Variants in SVOPL observed in about 807,000 individuals in gnomAD.
The protein encoded by SVOPL is putative transporter SVOPL.
SVOPL carries 60 observed loss-of-function variants against 61.0 expected under a neutral mutation model. That is an observed-to-expected ratio of 0.98 (90% CI 0.80 to 1.22). SVOPL has a LOEUF of 1.22. SVOPL is among the 50% of genes most tolerant of loss of function. SVOPL has a pLI of 0.00. For missense variants in SVOPL, 662 were observed against 643.9 expected (o/e 1.03, Z -0.30); for synonymous variants, 279 against 250.0 (o/e 1.12, Z -1.09).
rs758242635 is a variant in SVOPL at position 138,661,278 on chromosome 7, AG to A, written c.346-1291del. Reference sequence around the variant, plus strand: ...TAATCTTAGTAGGCACGTGACTTTGAGCACGTAGCTAGTTTCAAAGCTATAC... The same window carrying A: ...TAATCTTAGTAGGCACGTGACTTTGACACGTAGCTAGTTTCAAAGCTATAC... On this transcript the variant is annotated intron_variant, in intron 5 of 15. Coordinates refer to ENST00000674285, the MANE Select transcript of SVOPL (RefSeq NM_001139456.2). 221 of 985,420 alleles carry A rather than the reference AG, an allele frequency of 2.2e-4. 1 individual carries two copies. Among genetic ancestry groups the A allele is most frequent in the Middle Eastern group, 5.2e-4 (1 of 1,914 alleles). 61.0% of individuals were successfully genotyped at this position (985,420 alleles called of 1,614,324 possible). A position where few individuals can be genotyped will look rare whatever the true frequency, so the allele number is the denominator to read the frequency against.
In SVOPL at chr7:138,594,354, T is replaced by A. The variant is rs141968361; in HGVS notation, c.*256A>T. 11 of 290,700 alleles carry A rather than the reference T, an allele frequency of 3.8e-5. No individual in the cohort carries two copies. In the South Asian group the frequency reaches 5.6e-4, roughly 15 times the overall value. 18.0% of individuals were successfully genotyped at this position (290,700 alleles called of 1,614,324 possible). A position where few individuals can be genotyped will look rare whatever the true frequency, so the allele number is the denominator to read the frequency against. The stretch of plus-strand genomic sequence containing the variant: ...TGATTTCAATGAAGAAAAGCCATCT[T>A]CCCCCCCACCATCTCCCTCTCACAC... On this transcript the variant is annotated 3_prime_UTR_variant, in exon 16 of 16. Transcript: ENST00000674285.
At chr7:138,658,970 G>C (rs1333374386) in intron 6 of SVOPL, among the ~76,000 whole-genome samples, 1 of 151,630 alleles carries the variant, frequency 6.6e-6, no homozygotes, top group Non-Finnish European at 1.5e-5. Flanking sequence ...TGAAAGACTG[G>C]TTCAGGCCAC....
At chr7:138,607,559 C>T (rs980762697) in intron 14 of SVOPL, among the ~76,000 whole-genome samples, 2 of 152,036 alleles carry the variant, frequency 1.3e-5, no homozygotes, top group Non-Finnish European at 2.9e-5. Flanking sequence ...GGGGTTAAAA[C>T]GACCTTTGAA....
intron 14 of SVOPL, among the ~76,000 whole-genome samples, chr7:138,611,545 G>A (rs915747529): frequency 6.6e-6 from 1 of 152,112 alleles, no homozygotes; most frequent in African/African-American, 2.4e-5. Context: ...TTAAATGGAT[G>A]TAATTTGATT....
intron 1 of SVOPL, among the ~76,000 whole-genome samples, chr7:138,695,448 G>A (rs1803044876): frequency 6.6e-6 from 1 of 152,184 alleles, no homozygotes; most frequent in Non-Finnish European, 1.5e-5. Flanking sequence ...GGAGGTTGAA[G>A]CTGCAGTTAG....
chr7:138,636,020 G>A (rs1340150265), intron 9 of SVOPL, among the ~76,000 whole-genome samples: 1 of 152,154 alleles, frequency 6.6e-6, no homozygotes, highest in Non-Finnish European at 1.5e-5. Context: ...CCAGATGCAA[G>A]TGATTCTCCT....
intron 14 of SVOPL, among the ~76,000 whole-genome samples, chr7:138,612,429 T>TAAAAAATAAAAAAAAAAAAAAAAAAAAAA: frequency 1.3e-5 from 1 of 78,148 alleles, no homozygotes; most frequent in African/African-American, 5.6e-5. Flanking sequence ...AAAAATAAAA[T>TAAAAAATAAAAAAAAAAAAAAAAAAAAAA]AAAAAATAAA....
intron 6 of SVOPL, among the ~76,000 whole-genome samples, chr7:138,659,494 A>G (rs1212452218): frequency 2.6e-5 from 1 of 38,484 alleles, no homozygotes; most frequent in Non-Finnish European, 4.9e-5. Flanking sequence ...TCTATCTCGA[A>G]AAAAAAAAAA....
intron 7 of SVOPL, among the ~76,000 whole-genome samples, chr7:138,654,578 C>A (rs1801616082): frequency 1.4e-5 from 2 of 146,414 alleles, no homozygotes; most frequent in Admixed American, 7.1e-5. Flanking sequence ...TGGCTCAGTG[C>A]AACCTTCTCC....
At chr7:138,619,986 G>A (rs1052004216) in intron 14 of SVOPL, among the ~76,000 whole-genome samples, 1 of 152,128 alleles carries the variant, frequency 6.6e-6, no homozygotes, top group African/African-American at 2.4e-5. Flanking sequence ...GCACCAGACA[G>A]AGAAAGAGGA....
chr7:138,680,571 TTG>T (rs60027714), intron 1 of SVOPL, among the ~76,000 whole-genome samples: 32 of 147,950 alleles, frequency 2.2e-4, no homozygotes, highest in Non-Finnish European at 3.7e-4. Flanking sequence ...ACACAGACTT[TTG>T]TGTGTGTGTG....
intron 7 of SVOPL, 44 bp downstream of exon 7, chr7:138,656,404 C>T: frequency 6.3e-7 from 1 of 1,591,958 alleles, no homozygotes. Context: ...TACATCTTAT[C>T]CCATAGGATG....
intron 13 of SVOPL, among the ~76,000 whole-genome samples, chr7:138,621,830 G>GTATCTATCTATC (rs1351456139): frequency 8.0e-5 from 3 of 37,472 alleles, no homozygotes; most frequent in African/African-American, 2.5e-4. Flanking sequence ...ATGTATCTAT[G>GTATCTATCTATC]TATCTATCTA....
chr7:138,642,058 A>G (rs929715759), intron 9 of SVOPL, among the ~76,000 whole-genome samples: 1 of 151,086 alleles, frequency 6.6e-6, no homozygotes, highest in African/African-American at 2.4e-5. Flanking sequence ...AATTCCAAAT[A>G]ACAACATCCT....
In SVOPL at chr7:138,660,893, T is replaced by C; in HGVS notation, c.346-905A>G. ...GTCATGAAAATGTCCATTTCAACGG[T>C]GCAGGACTCTTTAAGGAAAAATTTC... is the stretch of plus-strand genomic sequence containing the variant. On this transcript the variant is annotated intron_variant, in intron 5 of 15. Transcript: ENST00000674285. 4.1e-6 allele frequency: 4 copies of C among 985,344 alleles called. No homozygotes were observed. In the South Asian group the frequency reaches 1.9e-4, roughly 46 times the overall value. The allele number at this position is 985,344 out of a possible 1,614,324, so 61.0% of individuals were successfully genotyped here. A position where few individuals can be genotyped will look rare whatever the true frequency, so the allele number is the denominator to read the frequency against.
chr7:138,602,516 T>C (rs1798574719), intron 14 of SVOPL, among the ~76,000 whole-genome samples: 1 of 151,816 alleles, frequency 6.6e-6, no homozygotes, highest in Non-Finnish European at 1.5e-5. Context: ...TCTACATATA[T>C]ATTCACACAG....
At position 138,596,486 on chromosome 7, in the gene SVOPL, TGAGAA is replaced by T; in HGVS notation, c.1393_1397del (p.Phe465IlefsTer26). 1 of 1,613,846 alleles carries T rather than the reference TGAGAA, an allele frequency of 6.2e-7. No homozygotes were observed. The highest frequency in any genetic ancestry group is 8.5e-7 in the Non-Finnish European group (1 of 1,179,866). ...AAATGGCGCATACAACACAGACAGA[TGAGAA>T]GAGACACAGGGCCCCCAGTATTGAT... On this transcript the variant is annotated frameshift_variant, in exon 15 of 16. Transcript: ENST00000674285. LOFTEE classifies it high-confidence loss of function.
At chr7:138,670,135 C>A (rs1044349516) in intron 4 of SVOPL, among the ~76,000 whole-genome samples, 7 of 152,164 alleles carry the variant, frequency 4.6e-5, no homozygotes, top group Non-Finnish European at 1.5e-5. Context: ...CTAACCAAAT[C>A]CATTTTGGCT....
At chr7:138,626,368 A>G (rs573101874) in intron 12 of SVOPL, among the ~76,000 whole-genome samples, 2 of 152,232 alleles carry the variant, frequency 1.3e-5, no homozygotes, top group South Asian at 4.1e-4. Context: ...GCTTGAGGCC[A>G]GGAGTTCAAG....
Sources: allele counts gnomAD v4.1 joint callset (sites outside exome capture counted in the v4.1 genomes callset), GRCh38; gene constraint gnomAD v4.1.1; transcripts MANE v1.5; gene names NCBI Gene and HGNC (gene_info 2026-07-23, HGNC 2026-07-21).